The following EFTUD2 variants were observed in gnomAD, a reference collection of about 807,000 sequenced individuals.
EFTUD2 encodes the protein elongation factor Tu GTP binding domain containing 2.
EFTUD2 carries 9 observed loss-of-function variants against 114.3 expected under a neutral mutation model. The ratio of observed to expected loss-of-function variants is 0.08; its 90% CI spans 0.05 to 0.14. EFTUD2 has a LOEUF of 0.14. Ranked by LOEUF, EFTUD2 falls within the 10% of genes least tolerant of loss-of-function variation. EFTUD2 has a pLI of 1.00. For missense variants in EFTUD2, 765 were observed against 1,241.2 expected, an observed-to-expected ratio of 0.62 and a Z score of 5.76; for synonymous variants, 449 against 462.3, an observed-to-expected ratio of 0.97 and a Z score of 0.37.
At position 44,853,577 on chromosome 17, in the gene EFTUD2, G is replaced by C; in HGVS notation, c.2406C>G (p.His802Gln). ...TGGGGATGATCTGGCCCCCGCCCCG[G>C]TGCAGGGGCTCCTGGGCAACCACCG... ...LDAVVAQEPL[H>Q]RGGGQIIPTA... The change falls in exon 24 of 28, where the codon CAC (histidine) becomes CAG (glutamine). Residue 802 changes from histidine (H) to glutamine (Q), a missense_variant. Coordinates refer to ENST00000426333, the MANE Select transcript of EFTUD2 (RefSeq NM_004247.4). 6.2e-7 allele frequency: 1 copy of C among 1,614,190 alleles called. No homozygotes were observed. Among genetic ancestry groups the C allele is most frequent in the South Asian group, 1.1e-5 (1 of 91,090 alleles).
chr17:44,859,803 G>A lies in EFTUD2; in HGVS notation c.1860+102C>T, dbSNP rs72826899. On this transcript the variant is annotated intron_variant, in intron 18 of 27. Transcript: ENST00000426333. ...TTGCTCCTGACACAGCTTCCTGTAA[G>A]CAGCAGATCATGAACACCTGATGGA... is the stretch of plus-strand genomic sequence containing the variant. 173,397 of 1,566,276 alleles carry A rather than the reference G, an allele frequency of 0.11. 10,086 individuals carry two copies. Among genetic ancestry groups the A allele is most frequent in the Middle Eastern group, 0.2 (871 of 4,402 alleles).
intron 3 of EFTUD2, among the ~76,000 whole-genome samples, chr17:44,885,974 C>T (rs192125541): frequency 8.6e-4 from 131 of 152,206 alleles, no homozygotes; most frequent in African/African-American, 2.9e-3. Context: ...CAGTGGCTCA[C>T]GCCTGTAATC....
intron 1 of EFTUD2, chr17:44,896,052 T>A (rs973338758): frequency 1.3e-5 from 2 of 152,264 alleles, no homozygotes; most frequent in African/African-American, 4.8e-5. Context: ...TGCTGTGTTC[T>A]TCTCAATGCA....
chr17:44,896,545 G>A (rs2051388427), intron 1 of EFTUD2, among the ~76,000 whole-genome samples: 1 of 152,216 alleles, frequency 6.6e-6, no homozygotes, highest in Non-Finnish European at 1.5e-5. Context: ...TACTCAGCAG[G>A]CTGAGGCAGG....
At chr17:44,886,804 A>G in intron 2 of EFTUD2, 54 bp from the exon 3 acceptor site, 2 of 1,560,452 alleles carry the variant, frequency 1.3e-6, no homozygotes, top group Non-Finnish European at 8.7e-7. Flanking sequence ...TTCCTGTTTG[A>G]TATCTGACTA....
At chr17:44,852,585 G>C in intron 25 of EFTUD2, 23 bp from the exon 26 acceptor site, 1 of 1,612,542 alleles carries the variant, frequency 6.2e-7, no homozygotes, top group East Asian at 2.2e-5. Flanking sequence ...AACAAAGGCT[G>C]AGCCTCTAGT....
chr17:44,896,067 G>C (rs568401638), intron 1 of EFTUD2: 2 of 152,284 alleles, frequency 1.3e-5, no homozygotes, highest in South Asian at 4.1e-4. Flanking sequence ...AATGCATTTC[G>C]TATCAGGTGA....
chr17:44,899,064 A>G (rs1453851022), intron 1 of EFTUD2: 1 of 152,188 alleles, frequency 6.6e-6, no homozygotes, highest in Non-Finnish European at 1.5e-5. Flanking sequence ...CGGATAGAAG[A>G]GGAAGTGAGC....
chr17:44,883,927 G>T, intron 4 of EFTUD2: 1 of 590,086 alleles, frequency 1.7e-6, no homozygotes, highest in South Asian at 2.0e-5. Flanking sequence ...CACAATCTGT[G>T]AATGGACTAT....
intron 20 of EFTUD2, among the ~76,000 whole-genome samples, chr17:44,855,451 A>G (rs751387833): frequency 1.3e-5 from 2 of 151,926 alleles, no homozygotes; most frequent in Admixed American, 6.6e-5. Flanking sequence ...CATGCCTGTA[A>G]TCACAACTAC....
Position 44,875,978 on chromosome 17 carries a change from A to G in EFTUD2, c.825T>C (p.Tyr275=). ...LELKLPPTDA[Y]YKLRHIVDEV... is the part of the protein sequence containing the mutation. Reference sequence around the variant, plus strand: ...CATCCACAATGTGGCGCAGCTTGTAATAAGCATCAGTTGGAGGCAGCTTCA... The same window carrying G: ...CATCCACAATGTGGCGCAGCTTGTAGTAAGCATCAGTTGGAGGCAGCTTCA... Residue 275 remains tyrosine (Y), a synonymous_variant, in exon 10 of 28, where the codon TAT becomes TAC. Transcript: ENST00000426333. 1 of 1,614,102 alleles carries G rather than the reference A, an allele frequency of 6.2e-7. No individual in the cohort carries two copies. The highest frequency in any genetic ancestry group is 1.3e-5 in the African/African-American group (1 of 75,040).
intron 10 of EFTUD2, among the ~76,000 whole-genome samples, chr17:44,874,519 A>C (rs967071320): frequency 1.3e-5 from 2 of 152,088 alleles, no homozygotes; most frequent in African/African-American, 4.8e-5. Flanking sequence ...TTCCATCCCC[A>C]ATCCTTAAAT....
intron 12 of EFTUD2, 58 bp downstream of exon 12, chr17:44,868,229 C>G: frequency 1.4e-6 from 2 of 1,479,016 alleles, no homozygotes; most frequent in Non-Finnish European, 1.9e-6. Flanking sequence ...TTTCACTGTC[C>G]TCACTTACTG....
chr17:44,874,632 C>T (rs1288582593), intron 10 of EFTUD2, among the ~76,000 whole-genome samples: 2 of 152,190 alleles, frequency 1.3e-5, no homozygotes, highest in Admixed American at 6.5e-5. Flanking sequence ...ATCTTTCAGC[C>T]TGTAGTAAGA....
chr17:44,871,770 T>C (rs1006879690), intron 11 of EFTUD2, among the ~76,000 whole-genome samples: 2 of 152,188 alleles, frequency 1.3e-5, no homozygotes, highest in Non-Finnish European at 2.9e-5. Flanking sequence ...TCATGAGACA[T>C]CTCACGGAGC....
chr17:44,883,079 G>C lies in EFTUD2; in HGVS notation c.492+14C>G, dbSNP rs1460613275. 1.2e-6 allele frequency: 2 copies of C among 1,613,960 alleles called. No individual in the cohort carries two copies. Among genetic ancestry groups the C allele is most frequent in the Non-Finnish European group, 1.7e-6 (2 of 1,179,882 alleles). On this transcript the variant is annotated intron_variant, in intron 6 of 27. Coordinates refer to ENST00000426333, the MANE Select transcript of EFTUD2 (RefSeq NM_004247.4). ...AATGGTTCATCCTAAACCCTCAACA[G>C]AAGTTCTACTTACATCTTGGTCATA...
At chr17:44,881,147 CA>C (rs2051065523) in intron 7 of EFTUD2, among the ~76,000 whole-genome samples, 2 of 152,108 alleles carry the variant, frequency 1.3e-5, no homozygotes, top group African/African-American at 4.8e-5. Flanking sequence ...TTTAGTTAAC[CA>C]TACTTATTAT....
intron 27 of EFTUD2, 73 bp downstream of exon 27, chr17:44,851,636 AG>A: frequency 7.1e-7 from 1 of 1,406,768 alleles, no homozygotes; most frequent in Non-Finnish European, 9.5e-7. Context: ...AGGGGCCAAA[AG>A]AAAGAGAGAG....
chr17:44,854,819 T>C lies in EFTUD2; in HGVS notation c.2132+99A>G, dbSNP rs905552008. On this transcript the variant is annotated intron_variant, in intron 21 of 27. Coordinates refer to ENST00000426333, the MANE Select transcript of EFTUD2 (RefSeq NM_004247.4). This position sits in a 1 kb window ranked among gnomAD's most constrained non-coding sequence, Gnocchi z 4.3. The stretch of plus-strand genomic sequence containing the variant: ...CAGAACAAGAGCAAAGGCAAAGACA[T>C]AAATGCTCCCCAGAAAGATGTGTGC... 8.9e-6 allele frequency: 14 copies of C among 1,568,406 alleles called. No individual in the cohort carries two copies. Among genetic ancestry groups the C allele is most frequent in the Non-Finnish European group, 1.1e-5 (12 of 1,141,250 alleles).
Sources: allele counts gnomAD v4.1 joint callset (sites outside exome capture counted in the v4.1 genomes callset), GRCh38; gene constraint gnomAD v4.1.1; non-coding constraint Gnocchi (gnomAD v3.1); transcripts MANE v1.5; gene names NCBI Gene and HGNC (gene_info 2026-07-23, HGNC 2026-07-21).